The following PPTC7 variants were observed in gnomAD, a reference collection of about 807,000 sequenced individuals.
PPTC7 encodes protein phosphatase PTC7 homolog.
PPTC7 carries 6 observed loss-of-function variants against 30.8 expected under a neutral mutation model. The observed-to-expected ratio is 0.19, with a 90% CI of 0.11 to 0.38. PPTC7 has a LOEUF of 0.38. Ranked by LOEUF, PPTC7 falls within the 10% of genes least tolerant of loss-of-function variation. The pLI, the probability that PPTC7 is intolerant of heterozygous loss-of-function variation, is 1.00. For missense variants in PPTC7, 218 were observed against 404.8 expected (o/e 0.54, Z 3.96); for synonymous variants, 163 against 168.1 (o/e 0.97, Z 0.23).
chr12:110,581,514 T>C (rs1273030310), intron 1 of PPTC7, among the ~76,000 whole-genome samples: 3 of 152,172 alleles, frequency 2.0e-5, no homozygotes, highest in Non-Finnish European at 2.9e-5. Context: ...GGTGGATTTG[T>C]ACAATTTCAA....
At chr12:110,549,199 T>G (rs1412243068) in intron 2 of PPTC7, among the ~76,000 whole-genome samples, 1 of 152,190 alleles carries the variant, frequency 6.6e-6, no homozygotes, top group Non-Finnish European at 1.5e-5. Context: ...CTCTGGCTGC[T>G]TAGGACCTTA....
intron 1 of PPTC7, among the ~76,000 whole-genome samples, chr12:110,572,237 A>G (rs142564954): frequency 0.01 from 1,594 of 152,302 alleles, 16 homozygotes; most frequent in Non-Finnish European, 0.015. Context: ...CGAGGTCAGG[A>G]GTTCAAGAAC....
At chr12:110,561,948 A>C (rs372246093) in intron 1 of PPTC7, among the ~76,000 whole-genome samples, 64 of 151,918 alleles carry the variant, frequency 4.2e-4, no homozygotes, top group African/African-American at 1.4e-3. Flanking sequence ...CTCAAAAAAA[A>C]CCCCAACAAA....
intron 3 of PPTC7, among the ~76,000 whole-genome samples, chr12:110,541,144 G>T (rs1160742638): frequency 6.6e-6 from 1 of 151,692 alleles, no homozygotes; most frequent in Non-Finnish European, 1.5e-5. Context: ...CACTTTGGGA[G>T]GCCAAGGTGG....
rs1033777706 is a variant in PPTC7 at position 110,534,292 on chromosome 12, A to C, written c.*2745T>G. 2 of 152,240 alleles carry C rather than the reference A, an allele frequency of 1.3e-5. No individual in the cohort carries two copies. The highest frequency in any genetic ancestry group is 4.8e-5 in the African/African-American group (2 of 41,464). 9.4% of individuals were successfully genotyped at this position (152,240 alleles called of 1,614,324 possible). A position where few individuals can be genotyped will look rare whatever the true frequency, so the allele number is the denominator to read the frequency against. Reference sequence around the variant, plus strand: ...TTATAAATATAGATGGAAAAGCTATAAACTTTACTGGTCTTTGGTGCATCC... The same window carrying C: ...TTATAAATATAGATGGAAAAGCTATCAACTTTACTGGTCTTTGGTGCATCC... On this transcript the variant is annotated 3_prime_UTR_variant, in exon 6 of 6. Coordinates refer to ENST00000354300, the MANE Select transcript of PPTC7 (RefSeq NM_139283.2).
chr12:110,538,980 C>T (rs888017549), intron 4 of PPTC7, among the ~76,000 whole-genome samples: 3 of 152,176 alleles, frequency 2.0e-5, no homozygotes, highest in Non-Finnish European at 4.4e-5. Flanking sequence ...TATTTTCCTC[C>T]ACTAGGATGT....
intron 4 of PPTC7, 53 bp from the exon 5 acceptor site, chr12:110,538,326 T>G: frequency 1.3e-6 from 2 of 1,528,014 alleles, no homozygotes; most frequent in South Asian, 2.3e-5. Context: ...GACAGTAACA[T>G]TTATCTAACC....
intron 5 of PPTC7, 104 bp from the exon 6 acceptor site, chr12:110,537,199 AG>A: frequency 1.1e-6 from 1 of 922,916 alleles, no homozygotes; most frequent in East Asian, 2.5e-5. Flanking sequence ...CATTCCAGGC[AG>A]TTTTGGTTTG....
chr12:110,571,829 C>T (rs1239151325), intron 1 of PPTC7, among the ~76,000 whole-genome samples: 1 of 152,082 alleles, frequency 6.6e-6, no homozygotes, highest in Non-Finnish European at 1.5e-5. Flanking sequence ...CCTTTCAAAA[C>T]CAAGAGAAAT....
At chr12:110,571,512 A>C (rs2064536881) in intron 1 of PPTC7, among the ~76,000 whole-genome samples, 1 of 152,122 alleles carries the variant, frequency 6.6e-6, no homozygotes, top group Admixed American at 6.6e-5. Flanking sequence ...ACAAGGAAAA[A>C]ATCCCAGATG....
At chr12:110,538,900 C>G (rs535300475) in intron 4 of PPTC7, among the ~76,000 whole-genome samples, 2 of 152,200 alleles carry the variant, frequency 1.3e-5, no homozygotes, top group South Asian at 2.1e-4. Context: ...ACTCTCTATT[C>G]CCTTATCCAG....
intron 5 of PPTC7, among the ~76,000 whole-genome samples, chr12:110,537,848 C>A (rs1220683168): frequency 6.6e-6 from 1 of 152,224 alleles, no homozygotes; most frequent in East Asian, 1.9e-4. Flanking sequence ...GCACTCTGGG[C>A]AGAGCTCGGA....
At chr12:110,551,604 C>T (rs948201423) in intron 2 of PPTC7, among the ~76,000 whole-genome samples, 185 bp downstream of exon 2, 1 of 152,230 alleles carries the variant, frequency 6.6e-6, no homozygotes, top group South Asian at 2.1e-4. Context: ...ACCTCAGCCT[C>T]CCAAAGTGCT....
rs1341796287 is a variant in PPTC7 at position 110,536,809 on chromosome 12, A to G, written c.*228T>C. On this transcript the variant is annotated 3_prime_UTR_variant, in exon 6 of 6. Coordinates refer to ENST00000354300, the MANE Select transcript of PPTC7 (RefSeq NM_139283.2). Reference sequence around the variant, plus strand: ...AAAGAACATCGAGAAATGAAGGCCAATCTTCAAATATTGGATCTCTTCAAT... The same window carrying G: ...AAAGAACATCGAGAAATGAAGGCCAGTCTTCAAATATTGGATCTCTTCAAT... 6.5e-6 allele frequency: 3 copies of G among 463,330 alleles called. No individual in the cohort carries two copies. Among genetic ancestry groups the G allele is most frequent in the African/African-American group, 6.0e-5 (3 of 50,170 alleles). The allele number at this position is 463,330 out of a possible 1,614,324, so 28.7% of individuals were successfully genotyped here.
At position 110,543,435 on chromosome 12, in the gene PPTC7, GA is replaced by G. The variant is rs797006893; in HGVS notation, c.602+2444del. 4.0e-3 allele frequency among the ~76,000 whole-genome samples: 555 copies of G among 139,762 alleles called. 2 individuals are homozygous for G. Among genetic ancestry groups the G allele is most frequent in the Middle Eastern group, 0.015 (4 of 274 alleles). The allele number at this position is 139,762 out of a possible 152,430, so 91.7% of individuals were successfully genotyped here. On this transcript the variant is annotated intron_variant, in intron 3 of 5. Coordinates refer to ENST00000354300, the MANE Select transcript of PPTC7 (RefSeq NM_139283.2). ...TTAACTAAGGAGATACATGCAGCAT[GA>G]AAAAAAAAAAAGGGAAAAAGACTGT... is the stretch of plus-strand genomic sequence containing the variant.
intron 2 of PPTC7, among the ~76,000 whole-genome samples, chr12:110,549,374 T>TAA (rs796318491): frequency 2.0e-5 from 3 of 147,370 alleles, no homozygotes; most frequent in African/African-American, 7.4e-5. Context: ...GTTGCTGGAT[T>TAA]AAAAAAAAAA....
intron 1 of PPTC7, among the ~76,000 whole-genome samples, chr12:110,564,976 G>A (rs1445155546): frequency 6.6e-6 from 1 of 151,254 alleles, no homozygotes; most frequent in East Asian, 1.9e-4. Flanking sequence ...CTGGGTTTAG[G>A]AGACTCTCCT....
chr12:110,559,542 A>G (rs890779173), intron 1 of PPTC7, among the ~76,000 whole-genome samples: 1 of 151,798 alleles, frequency 6.6e-6, no homozygotes, highest in Non-Finnish European at 1.5e-5. Flanking sequence ...CCTGTCCAAC[A>G]TGGTGAAACC....
In PPTC7 at chr12:110,535,331, A is replaced by G. The variant is rs547826284; in HGVS notation, c.*1706T>C. The G allele has an allele frequency of 6.5e-6, 1 of 152,756 alleles. No homozygotes were observed. The highest frequency in any genetic ancestry group is 1.9e-4 in the East Asian group (1 of 5,190). 9.5% of individuals were successfully genotyped at this position (152,756 alleles called of 1,614,324 possible). ...ATGCCAATTTAGGAATAGTAGATAA[A>G]TTACTGAACGGCTTACAAATGAATA... is the stretch of plus-strand genomic sequence containing the variant. On this transcript the variant is annotated 3_prime_UTR_variant, in exon 6 of 6. Coordinates refer to ENST00000354300, the MANE Select transcript of PPTC7 (RefSeq NM_139283.2).
Sources: gnomAD v4.1 joint callset for allele counts (sites outside exome capture counted in the v4.1 genomes callset) on GRCh38, gnomAD v4.1.1 for gene constraint, MANE v1.5 for transcripts, NCBI Gene and HGNC (gene_info 2026-07-23, HGNC 2026-07-21) for gene names.